Variants in SMARCA2 observed in about 807,000 individuals in gnomAD.
The protein encoded by SMARCA2 is SWI/SNF-related matrix-associated actin-dependent regulator of chromatin subfamily A member 2.
In SMARCA2, 61 loss-of-function variants were observed where a neutral mutation model predicts 199.8. The ratio of observed to expected loss-of-function variants is 0.31; its 90% CI spans 0.25 to 0.38. The LOEUF (loss-of-function observed/expected upper bound fraction) is 0.38. SMARCA2 is among the 10% of genes least tolerant of loss of function. SMARCA2 has a pLI of 1.00. For missense variants in SMARCA2, 1,344 were observed against 2,012.2 expected (o/e 0.67, Z 6.35); for synonymous variants, 935 against 732.0 (o/e 1.28, Z -4.48).
chr9:2,140,596 A>G (rs1824414595), intron 27 of SMARCA2, among the ~76,000 whole-genome samples: 1 of 152,184 alleles, frequency 6.6e-6, no homozygotes, highest in African/African-American at 2.4e-5. Flanking sequence ...TTTATTTGGA[A>G]CCAGTTCCCT....
At chr9:2,130,757 A>G (rs1435287103) in intron 27 of SMARCA2, among the ~76,000 whole-genome samples, 2 of 152,220 alleles carry the variant, frequency 1.3e-5, no homozygotes, top group African/African-American at 2.4e-5. Flanking sequence ...GCGCATGCAC[A>G]AGAAATGGCC....
intron 27 of SMARCA2, among the ~76,000 whole-genome samples, chr9:2,147,293 T>A (rs553414253): frequency 1.3e-5 from 2 of 150,080 alleles, no homozygotes; most frequent in South Asian, 4.3e-4. Context: ...ATGACCCCCA[T>A]TCCAAAAAGA....
Position 2,073,214 on chromosome 9 carries a change from C to G in SMARCA2, c.1749C>G (p.Pro583=). ...GESALGPDGE[P]IDESSQMSDL... ...ACATGATTTTCCCTCCTTTGTAGCC[C>G]ATAGATGAGAGCAGCCAGATGAGTG... Residue 583 remains proline, a splice_region_variant and synonymous_variant, in exon 11 of 34, where the codon CCC becomes CCG. Transcript: ENST00000349721. 1 of 1,614,098 alleles carries G rather than the reference C, an allele frequency of 6.2e-7. No homozygotes were observed. The highest frequency in any genetic ancestry group is 1.1e-5 in the South Asian group (1 of 91,070).
chr9:2,081,356 C>T (rs1196702839), intron 14 of SMARCA2, among the ~76,000 whole-genome samples: 2 of 152,212 alleles, frequency 1.3e-5, no homozygotes, highest in South Asian at 2.1e-4. Flanking sequence ...GAAATGTCCT[C>T]CTGTGGTCCC....
In SMARCA2 at chr9:2,023,212, G is replaced by C. The variant is rs367684523; in HGVS notation, c.-36-5775G>C. On this transcript the variant is annotated intron_variant, in intron 1 of 33. Transcript: ENST00000349721. Reference sequence around the variant, plus strand: ...CATGGGGGACTAATTAGCTGCTGCCGAGTTTGTTGTTATCTTTTGTTGTGC... The same window carrying C: ...CATGGGGGACTAATTAGCTGCTGCCCAGTTTGTTGTTATCTTTTGTTGTGC... Among the ~76,000 whole-genome samples, 74 of 152,266 alleles carry C rather than the reference G, an allele frequency of 4.9e-4. No homozygotes were observed. In the South Asian group the frequency reaches 0.014, roughly 28 times the overall value.
At chr9:2,135,606 A>T (rs868153963) in intron 27 of SMARCA2, among the ~76,000 whole-genome samples, 2 of 152,198 alleles carry the variant, frequency 1.3e-5, no homozygotes, top group African/African-American at 4.8e-5. Context: ...CAGTGGTGCA[A>T]TCTTGGCTCA....
chr9:2,097,581 T>G (rs1822325353), intron 21 of SMARCA2, 110 bp downstream of exon 21: 1 of 645,770 alleles, frequency 1.5e-6, no homozygotes, highest in African/African-American at 1.9e-5. Context: ...TTAAAACATG[T>G]TGGCGGAAGT....
chr9:2,192,970 T>G lies in SMARCA2; in HGVS notation c.*231T>G. On this transcript the variant is annotated 3_prime_UTR_variant, in exon 34 of 34. Coordinates refer to ENST00000349721, the MANE Select transcript of SMARCA2 (RefSeq NM_003070.5). ...CCAAATGGGCCTCAAAGATTCAGAT[T>G]GAAACAAACAAAAAGCTTTTGATGG... 4.1e-6 allele frequency: 2 copies of G among 492,044 alleles called. No homozygotes were observed. The allele number at this position is 492,044 out of a possible 1,614,324, so 30.5% of individuals were successfully genotyped here.
chr9:2,155,954 A>C (rs973602122), intron 27 of SMARCA2, among the ~76,000 whole-genome samples: 1 of 152,024 alleles, frequency 6.6e-6, no homozygotes, highest in African/African-American at 2.4e-5. Context: ...TGTTGAGTTA[A>C]TGTCATCAGT....
intron 27 of SMARCA2, among the ~76,000 whole-genome samples, chr9:2,138,962 C>G (rs570586188): frequency 3.9e-5 from 6 of 152,240 alleles, no homozygotes; most frequent in African/African-American, 1.2e-4. Flanking sequence ...GGCTTGACAA[C>G]TAAGGGTTCC....
intron 1 of SMARCA2, among the ~76,000 whole-genome samples, chr9:2,028,556 A>G (rs906304829): frequency 1.3e-5 from 2 of 152,194 alleles, no homozygotes; most frequent in Non-Finnish European, 2.9e-5. Flanking sequence ...ACTTATGAAA[A>G]TGAGTCTTGG....
intron 1 of SMARCA2, among the ~76,000 whole-genome samples, chr9:2,024,325 G>C (rs1818732496): frequency 6.6e-6 from 1 of 152,090 alleles, no homozygotes; most frequent in Admixed American, 6.5e-5. Flanking sequence ...GTGTTGGATA[G>C]TTTGGCTGTA....
chr9:2,184,324 G>T (rs915349342), intron 31 of SMARCA2, among the ~76,000 whole-genome samples: 1 of 150,752 alleles, frequency 6.6e-6, no homozygotes, highest in African/African-American at 2.4e-5. Flanking sequence ...TCTCAAGATG[G>T]AAACATCTTG....
At chr9:2,176,869 T>C (rs543049461) in intron 29 of SMARCA2, among the ~76,000 whole-genome samples, 9 of 152,210 alleles carry the variant, frequency 5.9e-5, no homozygotes, top group African/African-American at 1.9e-4. Context: ...TTGGGGTGAT[T>C]TTAACAGCTA....
chr9:2,036,833 C>A (rs1268111811), intron 3 of SMARCA2, among the ~76,000 whole-genome samples: 1 of 152,058 alleles, frequency 6.6e-6, no homozygotes, highest in East Asian at 1.9e-4. Flanking sequence ...ACTGTCTCAC[C>A]TTCATAATGT....
At chr9:2,175,106 G>C (rs890655081) in intron 29 of SMARCA2, among the ~76,000 whole-genome samples, 1 of 152,032 alleles carries the variant, frequency 6.6e-6, no homozygotes, top group African/African-American at 2.4e-5. Context: ...ATGGCCGGCT[G>C]AGGAAGCTGC....
At chr9:2,026,339 C>G (rs1310852223) in intron 1 of SMARCA2, among the ~76,000 whole-genome samples, 1 of 152,200 alleles carries the variant, frequency 6.6e-6, no homozygotes, top group Non-Finnish European at 1.5e-5. Flanking sequence ...TAACACGTTC[C>G]TATATTAACA....
chr9:2,176,212 G>T (rs1325258212), intron 29 of SMARCA2, among the ~76,000 whole-genome samples: 1 of 115,912 alleles, frequency 8.6e-6, no homozygotes, highest in Non-Finnish European at 1.7e-5. Context: ...TTATAATGAC[G>T]TAACAAGCAT....
intron 1 of SMARCA2, among the ~76,000 whole-genome samples, chr9:2,020,467 A>AT (rs1818551337): frequency 6.6e-6 from 1 of 152,104 alleles, no homozygotes; most frequent in South Asian, 2.1e-4. Flanking sequence ...TGGAGTGATT[A>AT]TTTTTTCTAT....
Sources: allele counts gnomAD v4.1 joint callset (sites outside exome capture counted in the v4.1 genomes callset), GRCh38; gene constraint gnomAD v4.1.1; transcripts MANE v1.5; gene names NCBI Gene and HGNC (gene_info 2026-07-23, HGNC 2026-07-21).